Variants in UGGT2 observed in about 807,000 individuals in gnomAD.
The protein encoded by UGGT2 is UDP-glucose:glycoprotein glucosyltransferase 2.
Under a neutral mutation model 192.1 loss-of-function variants are expected in UGGT2, and 180 were observed. That is an observed-to-expected ratio of 0.94 (90% CI 0.83 to 1.06). UGGT2 has a LOEUF of 1.06. Among genes scored for constraint, UGGT2 ranks in the 50% least tolerant of loss-of-function variants. The pLI is 0.00. For missense variants in UGGT2, 1,849 were observed against 1,795.7 expected, an observed-to-expected ratio of 1.03 and a Z score of -0.54; for synonymous variants, 580 against 591.0, an observed-to-expected ratio of 0.98 and a Z score of 0.27.
Position 95,867,338 on chromosome 13 carries a change from C to G in UGGT2, c.3558+1G>C. On this transcript the variant is annotated splice_donor_variant, in intron 30 of 38. Transcript: ENST00000376747. LOFTEE classifies it high-confidence loss of function. ...CTATAAAAAGTTCTGCCCCCACATA[C>G]TTTTACTTTGAGTATCTTGCTTTTG... 2 of 1,604,836 alleles carry G rather than the reference C, an allele frequency of 1.2e-6. No individual in the cohort carries two copies. Among genetic ancestry groups the G allele is most frequent in the Non-Finnish European group, 1.7e-6 (2 of 1,176,512 alleles).
intron 38 of UGGT2, among the ~76,000 whole-genome samples, chr13:95,818,049 A>G (rs1885087589): frequency 6.6e-6 from 1 of 152,172 alleles, no homozygotes; most frequent in African/African-American, 2.4e-5. Context: ...ACTCATGCCT[A>G]TTATCCCAAC....
At chr13:95,993,960 G>GA (rs1555371510) in intron 7 of UGGT2, among the ~76,000 whole-genome samples, 1 of 150,644 alleles carries the variant, frequency 6.6e-6, no homozygotes, top group Non-Finnish European at 1.5e-5. Flanking sequence ...AGCGTGGCAG[G>GA]AAAAAAAGGG....
chr13:95,832,084 C>T (rs919639940), intron 38 of UGGT2, among the ~76,000 whole-genome samples: 1 of 148,228 alleles, frequency 6.7e-6, no homozygotes, highest in Non-Finnish European at 1.5e-5. Flanking sequence ...AACAATTTCA[C>T]GTTTATATGA....
At chr13:95,864,136 G>C (rs1310065010) in intron 30 of UGGT2, among the ~76,000 whole-genome samples, 1 of 151,976 alleles carries the variant, frequency 6.6e-6, no homozygotes, top group Non-Finnish European at 1.5e-5. Flanking sequence ...CTTCTATTGA[G>C]TATTTTTTGT....
chr13:95,906,582 T>A (rs1447307609), intron 20 of UGGT2, among the ~76,000 whole-genome samples: 1 of 152,144 alleles, frequency 6.6e-6, no homozygotes, highest in Non-Finnish European at 1.5e-5. Flanking sequence ...AATTCCCAAT[T>A]TTGATTAATA....
At chr13:96,038,183 C>T (rs190805935) in intron 1 of UGGT2, among the ~76,000 whole-genome samples, 15 of 152,262 alleles carry the variant, frequency 9.9e-5, no homozygotes, top group Admixed American at 9.1e-4. Flanking sequence ...ATACCTTTCC[C>T]TATAAAAAGT....
At chr13:95,953,293 G>C (rs909692241) in intron 12 of UGGT2, among the ~76,000 whole-genome samples, 13 of 152,308 alleles carry the variant, frequency 8.5e-5, no homozygotes, top group African/African-American at 2.9e-4. Context: ...ATCTATGAGT[G>C]CATTATATAC....
intron 20 of UGGT2, among the ~76,000 whole-genome samples, chr13:95,913,191 G>T (rs2048561197): frequency 6.6e-6 from 1 of 152,164 alleles, no homozygotes; most frequent in Admixed American, 6.5e-5. Context: ...AGGACTTCAT[G>T]ACTAAAACAC....
chr13:95,830,583 T>A (rs984422168), intron 38 of UGGT2, among the ~76,000 whole-genome samples: 1 of 152,112 alleles, frequency 6.6e-6, no homozygotes, highest in East Asian at 1.9e-4. Flanking sequence ...AATGAGATAC[T>A]GTCTCACACC....
Position 95,895,298 on chromosome 13 carries a change from C to A in UGGT2, c.2641G>T (p.Gly881Ter). ...GCATAAAAATCTTCATCTAAAGGTC[C>A]TAAGAACTTAAAATAAAAACAGTTA... ...MGIVSNGRFL[G>*]PLDEDFYAED... is the part of the protein sequence containing the mutation. The change falls in exon 23 of 39, where the codon GGA (glycine) becomes TGA (stop). Residue 881 changes from glycine (G) to a stop codon, truncating the protein, a stop_gained. Coordinates refer to ENST00000376747, the MANE Select transcript of UGGT2 (RefSeq NM_020121.4). LOFTEE classifies it high-confidence loss of function. 6.9e-7 allele frequency: 1 copy of A among 1,443,034 alleles called. No individual in the cohort carries two copies. The highest frequency in any genetic ancestry group is 9.4e-7 in the Non-Finnish European group (1 of 1,060,294). 89.4% of individuals were successfully genotyped at this position (1,443,034 alleles called of 1,614,324 possible).
At chr13:95,867,279 CA>C (rs1890755648) in intron 30 of UGGT2, 59 bp downstream of exon 30, 1 of 1,350,696 alleles carries the variant, frequency 7.4e-7, no homozygotes. Context: ...AATTAAAAAA[CA>C]AAGAAGATAA....
At chr13:96,041,333 A>G (rs9590357) in intron 1 of UGGT2, among the ~76,000 whole-genome samples, 9,631 of 152,194 alleles carry the variant, frequency 0.063, 569 homozygotes, top group African/African-American at 0.15. Flanking sequence ...AAGCAGCAGG[A>G]AAAGCCCTGT....
intron 4 of UGGT2, 133 bp from the exon 5 acceptor site, chr13:96,013,614 G>T: frequency 1.7e-6 from 1 of 586,104 alleles, no homozygotes; most frequent in East Asian, 3.5e-5. Flanking sequence ...TTCCTGTGAT[G>T]ACTTTGTACA....
intron 38 of UGGT2, among the ~76,000 whole-genome samples, chr13:95,811,587 A>G (rs1273656481): frequency 1.3e-5 from 2 of 152,206 alleles, no homozygotes; most frequent in African/African-American, 2.4e-5. Context: ...ATTGAACTAT[A>G]CACTTTGAAT....
intron 20 of UGGT2, 73 bp from the exon 21 acceptor site, chr13:95,903,133 C>T (rs2048161212): frequency 6.9e-7 from 1 of 1,443,396 alleles, no homozygotes; most frequent in Non-Finnish European, 9.3e-7. Flanking sequence ...ATTTTCTTTC[C>T]CATCCAGTTT....
intron 38 of UGGT2, among the ~76,000 whole-genome samples, chr13:95,807,986 TA>T (rs1884403145): frequency 1.3e-5 from 2 of 152,112 alleles, no homozygotes; most frequent in Admixed American, 6.6e-5. Flanking sequence ...TAACAAGGCT[TA>T]AAGGTCCTTA....
chr13:96,021,406 C>T lies in UGGT2; in HGVS notation c.485+1634G>A, dbSNP rs2052511205. Among the ~76,000 whole-genome samples the T allele has an allele frequency of 4.6e-5, 7 of 152,104 alleles. No homozygotes were observed. In the South Asian group the frequency reaches 1.2e-3, roughly 27 times the overall value. ...TACAAAATTTCCTTTAAAAGATGCACTAGTGAGTTATATTATAGTGAGTCT... is the reference window on the plus strand; with the variant it reads ...TACAAAATTTCCTTTAAAAGATGCATTAGTGAGTTATATTATAGTGAGTCT... On this transcript the variant is annotated intron_variant, in intron 4 of 38. Coordinates refer to ENST00000376747, the MANE Select transcript of UGGT2 (RefSeq NM_020121.4).
chr13:96,042,556 T>A (rs181112425), intron 1 of UGGT2, among the ~76,000 whole-genome samples: 99 of 152,062 alleles, frequency 6.5e-4, no homozygotes, highest in African/African-American at 2.2e-3. Flanking sequence ...GATGGTCAGT[T>A]ATTAAGCTAA....
At chr13:96,045,674 C>T (rs1188716649) in intron 1 of UGGT2, among the ~76,000 whole-genome samples, 3 of 152,108 alleles carry the variant, frequency 2.0e-5, no homozygotes, top group African/African-American at 4.8e-5. Context: ...AAATCAGTTG[C>T]TCTCTTATAT....
Sources: gnomAD v4.1 joint callset for allele counts (sites outside exome capture counted in the v4.1 genomes callset) on GRCh38, gnomAD v4.1.1 for gene constraint, MANE v1.5 for transcripts, NCBI Gene and HGNC (gene_info 2026-07-23, HGNC 2026-07-21) for gene names.